The following TBC1D31 variants were observed in gnomAD, a reference collection of about 807,000 sequenced individuals.
TBC1D31 encodes the protein TBC1 domain family member 31, also known as WD repeat domain 67.
A neutral mutation model predicts 132.9 loss-of-function variants in TBC1D31; 99 were observed. That is an observed-to-expected ratio of 0.74 (90% CI 0.63 to 0.88). TBC1D31 has a LOEUF of 0.88. Among genes scored for constraint, TBC1D31 ranks in the 40% least tolerant of loss-of-function variants. The pLI is 0.00. For synonymous variants in TBC1D31, 385 were observed against 419.4 expected (o/e 0.92, Z 1.00); for missense variants, 1,134 against 1,256.6 (o/e 0.90, Z 1.48).
intron 17 of TBC1D31, among the ~76,000 whole-genome samples, chr8:123,134,618 C>T (rs748362032): frequency 1.3e-5 from 2 of 152,084 alleles, no homozygotes; most frequent in Non-Finnish European, 2.9e-5. Context: ...TCATTTTATT[C>T]ACTTTTTAAG....
intron 19 of TBC1D31, among the ~76,000 whole-genome samples, chr8:123,142,904 T>G (rs1821845842): frequency 6.6e-6 from 1 of 152,192 alleles, no homozygotes; most frequent in South Asian, 2.1e-4. Context: ...AGATGCTGAA[T>G]AGGTAGAAAT....
At chr8:123,125,977 G>A (rs912380270) in intron 11 of TBC1D31, 79 bp from the exon 12 acceptor site, 11 of 1,100,042 alleles carry the variant, frequency 1.0e-5, no homozygotes, top group Non-Finnish European at 1.0e-5. Flanking sequence ...ATAAAGATTG[G>A]ATACATTTAA....
rs1309045218 is a variant in TBC1D31 at position 123,106,670 on chromosome 8, T to C, written c.1209+1206T>C. ...CTTTAAGCATTTTTTAATTGTAAAA[T>C]TTGCAACACAGAAGAGTGTCTAAAA... is the stretch of plus-strand genomic sequence containing the variant. On this transcript the variant is annotated intron_variant, in intron 8 of 21. Coordinates refer to ENST00000287380, the MANE Select transcript of TBC1D31 (RefSeq NM_145647.4). Among the ~76,000 whole-genome samples the C allele has an allele frequency of 2.0e-5, 3 of 152,276 alleles. No homozygotes were observed. The East Asian group carries it at 5.8e-4, about 29-fold the overall frequency.
At chr8:123,079,622 G>T (rs553087979) in intron 2 of TBC1D31, among the ~76,000 whole-genome samples, 1 of 152,116 alleles carries the variant, frequency 6.6e-6, no homozygotes, top group African/African-American at 2.4e-5. Context: ...CAACATCGAG[G>T]ACTCTTTGCA....
In TBC1D31 at chr8:123,142,309, C is replaced by A; in HGVS notation, c.2688C>A (p.Thr896=). ...LAKAEQACLN[T]DWQIQSLHKQ... ...AGGCTGAACAAGCATGCCTAAATACCGACTGGCAGATTCAGTCTTTACATA... is the reference window on the plus strand; with the variant it reads ...AGGCTGAACAAGCATGCCTAAATACAGACTGGCAGATTCAGTCTTTACATA... Residue 896 remains threonine (T), a synonymous_variant, in exon 19 of 22, where the codon ACC becomes ACA. Coordinates refer to ENST00000287380, the MANE Select transcript of TBC1D31 (RefSeq NM_145647.4). 1 of 1,597,850 alleles carries A rather than the reference C, an allele frequency of 6.3e-7. No homozygotes were observed.
intron 16 of TBC1D31, among the ~76,000 whole-genome samples, chr8:123,133,262 C>T (rs1355850709): frequency 3.9e-5 from 6 of 152,162 alleles, no homozygotes; most frequent in African/African-American, 1.2e-4. Flanking sequence ...TCCTAAAAAG[C>T]GTGATTTGCT....
At chr8:123,154,718 G>A (rs1005433792), downstream of TBC1D31, among the ~76,000 whole-genome samples, 6 of 152,202 alleles carry the variant, frequency 3.9e-5, no homozygotes, top group African/African-American at 1.4e-4. Flanking sequence ...TCCATGCTGG[G>A]AAGACTATAG....
chr8:123,078,622 A>G (rs1814789453), intron 2 of TBC1D31, among the ~76,000 whole-genome samples: 1 of 152,354 alleles, frequency 6.6e-6, no homozygotes, highest in Non-Finnish European at 1.5e-5. Flanking sequence ...GCAGACAGGG[A>G]AAGTACAGGA....
chr8:123,076,426 C>A (rs959667148), intron 1 of TBC1D31, among the ~76,000 whole-genome samples: 1 of 151,652 alleles, frequency 6.6e-6, no homozygotes, highest in Non-Finnish European at 1.5e-5. Flanking sequence ...TTAATCATTA[C>A]ATATGTGTCT....
At chr8:123,135,533 G>A (rs1044649370) in intron 17 of TBC1D31, among the ~76,000 whole-genome samples, 2 of 152,092 alleles carry the variant, frequency 1.3e-5, no homozygotes, top group African/African-American at 2.4e-5. Context: ...CCCGGGGGAC[G>A]GAGGCTGCAG....
chr8:123,126,663 C>T lies in TBC1D31; in HGVS notation c.1860C>T (p.Ser620=), dbSNP rs767738937. The T allele has an allele frequency of 6.2e-7, 1 of 1,612,142 alleles. No individual in the cohort carries two copies. Among genetic ancestry groups the T allele is most frequent in the Non-Finnish European group, 8.5e-7 (1 of 1,179,410 alleles). ...TATGTTCTAGAACGCCTCTGCTCAG[C>T]TGTAATCTTAAAGATGACTTTGAGG... ...YNICSRTPLL[S]CNLKDDFEFF... The change falls in exon 13 of 22, where the codon AGC becomes AGT. Residue 620 remains serine (S), a synonymous_variant. Transcript: ENST00000287380.
chr8:123,085,149 C>T (rs556512892), intron 4 of TBC1D31, among the ~76,000 whole-genome samples: 202 of 152,270 alleles, frequency 1.3e-3, no homozygotes, highest in African/African-American at 4.7e-3. Context: ...ATACTTAAGC[C>T]TGTACTTAAT....
intron 10 of TBC1D31, among the ~76,000 whole-genome samples, chr8:123,119,230 A>C (rs898516022): frequency 1.3e-5 from 2 of 152,188 alleles, no homozygotes; most frequent in African/African-American, 4.8e-5. Flanking sequence ...GTGGGGGCTA[A>C]TTTGGCACTG....
chr8:123,148,912 T>C (rs754263118), intron 20 of TBC1D31, among the ~76,000 whole-genome samples: 6 of 151,994 alleles, frequency 3.9e-5, no homozygotes, highest in Non-Finnish European at 7.4e-5. Context: ...CCGGGCATGG[T>C]GGCGTGAACC....
At chr8:123,093,954 C>CT (rs778770695) in intron 5 of TBC1D31, among the ~76,000 whole-genome samples, 12 of 151,106 alleles carry the variant, frequency 7.9e-5, no homozygotes, top group East Asian at 1.9e-4. Flanking sequence ...AGAATTTCTT[C>CT]TTTTTTTTTG....
At chr8:123,144,080 T>C (rs1821950991) in intron 19 of TBC1D31, among the ~76,000 whole-genome samples, 1 of 152,156 alleles carries the variant, frequency 6.6e-6, no homozygotes, top group Non-Finnish European at 1.5e-5. Context: ...TTTAAAAAAG[T>C]TTTTGTTATT....
chr8:123,088,321 C>A (rs536351467), intron 4 of TBC1D31, among the ~76,000 whole-genome samples: 1 of 152,164 alleles, frequency 6.6e-6, no homozygotes, highest in East Asian at 1.9e-4. Flanking sequence ...AGAATGTAAC[C>A]ATTTAAAGCC....
intron 11 of TBC1D31, 91 bp downstream of exon 11, chr8:123,120,279 T>C: frequency 1.9e-6 from 2 of 1,028,082 alleles, no homozygotes; most frequent in Non-Finnish European, 2.8e-6. Context: ...TTAACAATTC[T>C]AGATGTCTCT....
intron 8 of TBC1D31, among the ~76,000 whole-genome samples, chr8:123,108,239 T>C (rs1348874612): frequency 2.6e-5 from 4 of 152,200 alleles, no homozygotes; most frequent in Non-Finnish European, 4.4e-5. Context: ...GATTTTCCCA[T>C]TTTTTCAAAT....
Sources: allele counts gnomAD v4.1 joint callset (sites outside exome capture counted in the v4.1 genomes callset), GRCh38; gene constraint gnomAD v4.1.1; transcripts MANE v1.5; gene names NCBI Gene and HGNC (gene_info 2026-07-23, HGNC 2026-07-21).